Variants in CATSPERT observed in about 807,000 individuals in gnomAD.
CATSPERT encodes the protein cation channel sperm-associated targeting subunit tau.
At chr2:201,602,546 A>C in the CATSPERT span, among the ~76,000 whole-genome samples, 1 of 152,170 alleles carries the variant, frequency 6.6e-6, no homozygotes, top group Non-Finnish European at 1.5e-5. Context: ...TCCTTTTAAA[A>C]ATGTTTAAAG....
the CATSPERT span, among the ~76,000 whole-genome samples, chr2:201,501,395 CAAAAAA>C: frequency 8.6e-5 from 4 of 46,602 alleles, no homozygotes; most frequent in East Asian, 7.9e-4. Context: ...AACTCCATCT[CAAAAAA>C]AAAAAAAAAA....
At chr2:201,524,436 T>C in the CATSPERT span, among the ~76,000 whole-genome samples, 1 of 152,124 alleles carries the variant, frequency 6.6e-6, no homozygotes, top group Non-Finnish European at 1.5e-5. Flanking sequence ...GGGAATTCTT[T>C]ACCATCAGAA....
chr2:201,493,132 G>A, the CATSPERT span: 1 of 1,526,324 alleles, frequency 6.6e-7, no homozygotes, highest in South Asian at 1.2e-5. Flanking sequence ...TTTTAAAAAG[G>A]ATTTTAACAT....
the CATSPERT span, among the ~76,000 whole-genome samples, chr2:201,610,457 C>CAA: frequency 5.2e-5 from 7 of 134,120 alleles, no homozygotes; most frequent in East Asian, 4.4e-4. Context: ...GACTCCGTCT[C>CAA]AAAAAAAAAA....
chr2:201,492,103 TTCTC>T, the CATSPERT span: 2 of 1,526,582 alleles, frequency 1.3e-6, no homozygotes, highest in South Asian at 2.4e-5. Flanking sequence ...TTTCTTTTCT[TTCTC>T]TCGAATCAAT....
chr2:201,540,778 C>A, the CATSPERT span, among the ~76,000 whole-genome samples: 190 of 152,334 alleles, frequency 1.2e-3, no homozygotes, highest in African/African-American at 4.4e-3. Flanking sequence ...GTAATTTCAA[C>A]TTTCAAGTCC....
the CATSPERT span, among the ~76,000 whole-genome samples, chr2:201,514,800 T>C: frequency 6.6e-6 from 1 of 152,236 alleles, no homozygotes; most frequent in South Asian, 2.1e-4. Flanking sequence ...GTGGCCCAGC[T>C]GATACCATCA....
the CATSPERT span, among the ~76,000 whole-genome samples, chr2:201,546,193 A>G: frequency 6.6e-6 from 1 of 152,174 alleles, no homozygotes; most frequent in African/African-American, 2.4e-5. Flanking sequence ...AGTTTATCCA[A>G]CAGAAGCCCA....
chr2:201,539,586 T>C, the CATSPERT span, among the ~76,000 whole-genome samples: 1 of 150,972 alleles, frequency 6.6e-6, no homozygotes, highest in Non-Finnish European at 1.5e-5. Flanking sequence ...TGGTTTTGGT[T>C]TTTTTTGCCA....
chr2:201,540,314 G>A, the CATSPERT span, among the ~76,000 whole-genome samples: 5 of 152,324 alleles, frequency 3.3e-5, no homozygotes, highest in East Asian at 1.9e-4. Context: ...GGTTTTTATC[G>A]TAGATGAAAC....
the CATSPERT span, chr2:201,536,037 T>G: frequency 6.2e-7 from 1 of 1,613,074 alleles, no homozygotes; most frequent in Non-Finnish European, 8.5e-7. Context: ...TAGAGATGAG[T>G]CTGCTTTTAA....
chr2:201,535,370 TAAAG>T, the CATSPERT span: 1 of 979,832 alleles, frequency 1.0e-6, no homozygotes, highest in Non-Finnish European at 1.2e-6. Flanking sequence ...CAATAAGATA[TAAAG>T]ATATAAGTAG....
chr2:201,552,267 G>A, the CATSPERT span, among the ~76,000 whole-genome samples: 9 of 152,130 alleles, frequency 5.9e-5, no homozygotes, highest in South Asian at 8.3e-4. Context: ...GAGCCACTGC[G>A]CCCAGCCCTT....
the CATSPERT span, among the ~76,000 whole-genome samples, chr2:201,603,803 T>C: frequency 6.6e-6 from 1 of 152,130 alleles, no homozygotes; most frequent in Non-Finnish European, 1.5e-5. Flanking sequence ...AAAAATCAAA[T>C]ACAAAATAAA....
At chr2:201,542,089 T>A in the CATSPERT span, among the ~76,000 whole-genome samples, 1 of 152,220 alleles carries the variant, frequency 6.6e-6, no homozygotes, top group Non-Finnish European at 1.5e-5. Flanking sequence ...TTAAGTCATG[T>A]ACATTGACTT....
chr2:201,496,926 C>T, the CATSPERT span, among the ~76,000 whole-genome samples: 1 of 152,246 alleles, frequency 6.6e-6, no homozygotes, highest in Admixed American at 6.5e-5. Flanking sequence ...ATCCAGATAG[C>T]AGTGAGGGAG....
chr2:201,583,781 G>A, the CATSPERT span, among the ~76,000 whole-genome samples: 5 of 152,134 alleles, frequency 3.3e-5, no homozygotes, highest in South Asian at 1.0e-3. Flanking sequence ...CGCCACAAAT[G>A]AGAAGAGCAA....
the CATSPERT span, among the ~76,000 whole-genome samples, chr2:201,599,483 C>T: frequency 4.6e-5 from 7 of 152,088 alleles, no homozygotes; most frequent in Admixed American, 2.6e-4. Context: ...CTATAACATA[C>T]ATTTTTGTTA....
At chr2:201,618,778 A>G in the CATSPERT span, 7 of 713,404 alleles carry the variant, frequency 9.8e-6, no homozygotes, top group South Asian at 1.2e-4. Context: ...AAAGGGTTCA[A>G]TGTGTGCCAA....
Sources: allele counts gnomAD v4.1 joint callset (sites outside exome capture counted in the v4.1 genomes callset), GRCh38; gene constraint gnomAD v4.1.1; transcripts MANE v1.5; gene names NCBI Gene and HGNC (gene_info 2026-07-23, HGNC 2026-07-21).